MAPK10: variants seen among roughly 807,000 people sequenced by gnomAD.
The protein encoded by MAPK10 is JNK3 alpha protein kinase.
MAPK10 carries 25 observed loss-of-function variants against 59.3 expected under a neutral mutation model. The observed-to-expected ratio is 0.42, with a 90% CI of 0.31 to 0.59. The LOEUF is 0.59. MAPK10 is among the 20% of genes least tolerant of loss of function. The pLI is 0.15. For missense variants in MAPK10, 351 were observed against 568.9 expected, an observed-to-expected ratio of 0.62 and a Z score of 3.90; for synonymous variants, 190 against 200.5, an observed-to-expected ratio of 0.95 and a Z score of 0.44.
chr4:86,330,957 T>G (rs574544389), intron 2 of MAPK10, among the ~76,000 whole-genome samples: 2 of 152,302 alleles, frequency 1.3e-5, no homozygotes, highest in South Asian at 2.1e-4. Context: ...CTTTTCATCC[T>G]CATCTTAGAA....
intron 9 of MAPK10, 148 bp downstream of exon 9, chr4:86,098,376 A>G (rs2054630996): frequency 1.7e-6 from 2 of 1,197,254 alleles, no homozygotes; most frequent in Admixed American, 2.6e-5. Flanking sequence ...AGTACTGGTC[A>G]GATTATAGAA....
At chr4:86,582,133 A>T (rs1366967211) in intron 1 of MAPK10, among the ~76,000 whole-genome samples, 1 of 151,588 alleles carries the variant, frequency 6.6e-6, no homozygotes, top group Admixed American at 6.6e-5. Context: ...TATTGTTTGT[A>T]ATCTGTAAAA....
intron 2 of MAPK10, among the ~76,000 whole-genome samples, chr4:86,213,685 T>C (rs1037499273): frequency 1.3e-5 from 2 of 152,028 alleles, no homozygotes; most frequent in African/African-American, 4.8e-5. Flanking sequence ...AAAATCTGAA[T>C]AGACCTGTTA....
At chr4:86,223,785 C>T (rs1364225812) in intron 2 of MAPK10, among the ~76,000 whole-genome samples, 1 of 152,184 alleles carries the variant, frequency 6.6e-6, no homozygotes, top group Non-Finnish European at 1.5e-5. Context: ...AAAGAATTCT[C>T]ACTTTGCCCC....
chr4:86,510,218 T>G (rs1454455372), intron 1 of MAPK10, among the ~76,000 whole-genome samples: 6 of 152,024 alleles, frequency 3.9e-5, no homozygotes, highest in Admixed American at 3.9e-4. Flanking sequence ...GCTCAATCAA[T>G]CCTCCCACCT....
chr4:86,197,963 A>C (rs184299371), intron 2 of MAPK10, among the ~76,000 whole-genome samples: 1 of 152,290 alleles, frequency 6.6e-6, no homozygotes, highest in East Asian at 1.9e-4. Context: ...TGGGAACCTG[A>C]TTATGTCAAG....
chr4:86,403,208 T>C, intron 1 of MAPK10, among the ~76,000 whole-genome samples: 1 of 152,098 alleles, frequency 6.6e-6, no homozygotes, highest in African/African-American at 2.4e-5. Flanking sequence ...TATTAGTCCA[T>C]TTTCACACTA....
At chr4:86,589,999 AG>A (rs1172726535) in intron 1 of MAPK10, among the ~76,000 whole-genome samples, 1 of 151,280 alleles carries the variant, frequency 6.6e-6, no homozygotes, top group Non-Finnish European at 1.5e-5. Flanking sequence ...AAAAAAAAAA[AG>A]GGAATAGCAA....
chr4:86,420,927 C>T (rs142607904), intron 1 of MAPK10, among the ~76,000 whole-genome samples: 2,609 of 151,986 alleles, frequency 0.017, 72 homozygotes, highest in African/African-American at 0.059. Context: ...ACTAAAAATA[C>T]AAAAATTAGC....
intron 1 of MAPK10, among the ~76,000 whole-genome samples, chr4:86,468,776 C>A (rs1038984545): frequency 6.6e-6 from 1 of 152,088 alleles, no homozygotes; most frequent in African/African-American, 2.4e-5. Flanking sequence ...ATTGCTTGAA[C>A]CCAGGAGGCA....
chr4:86,166,903 C>CA lies in MAPK10; in HGVS notation c.67-7437dup, dbSNP rs893549610. On this transcript the variant is annotated intron_variant, in intron 3 of 13. Coordinates refer to ENST00000641462, the MANE Select transcript of MAPK10 (RefSeq NM_138982.4). ...AGCAGAATAGAAAAACATAGAGACA[C>CA]AAAAAAAAACCTTCAAAAATCAATG... 5.5e-4 allele frequency among the ~76,000 whole-genome samples: 83 copies of CA among 149,666 alleles called. 1 individual carries two copies. Among genetic ancestry groups the CA allele is most frequent in the Admixed American group, 3.6e-3 (54 of 15,062 alleles).
chr4:86,091,915 G>A (rs934629367), intron 9 of MAPK10, among the ~76,000 whole-genome samples: 5 of 151,860 alleles, frequency 3.3e-5, no homozygotes, highest in Non-Finnish European at 5.9e-5. Context: ...CTTGTGATCT[G>A]CCCACCTCGG....
At chr4:86,469,765 A>G (rs964871736) in intron 1 of MAPK10, among the ~76,000 whole-genome samples, 1 of 152,364 alleles carries the variant, frequency 6.6e-6, no homozygotes, top group Admixed American at 6.5e-5. Flanking sequence ...AAGAATTGTA[A>G]TTCCCAAATA....
chr4:86,098,516 A>G lies in MAPK10; in HGVS notation c.802+8T>C. 1 of 1,611,956 alleles carries G rather than the reference A, an allele frequency of 6.2e-7. No homozygotes were observed. The highest frequency in any genetic ancestry group is 8.5e-7 in the Non-Finnish European group (1 of 1,178,084). On this transcript the variant is annotated splice_region_variant and intron_variant, in intron 9 of 13. Coordinates refer to ENST00000641462, the MANE Select transcript of MAPK10 (RefSeq NM_138982.4). The stretch of plus-strand genomic sequence containing the variant: ...CAGGTAAAGCTGTAGCAAAAGGTAC[A>G]AGGATACAGTCCCTTCCTGGAAAGA...
chr4:86,212,441 G>C (rs549677452), intron 2 of MAPK10, among the ~76,000 whole-genome samples: 5 of 152,154 alleles, frequency 3.3e-5, no homozygotes, highest in African/African-American at 9.6e-5. Flanking sequence ...AGGCTCACTT[G>C]AGCCAGGAAT....
intron 2 of MAPK10, among the ~76,000 whole-genome samples, chr4:86,262,150 G>A (rs1340025208): frequency 6.6e-6 from 1 of 152,188 alleles, no homozygotes; most frequent in African/African-American, 2.4e-5. Context: ...TGGGACTTTT[G>A]AGAGGTGGGA....
At chr4:86,323,922 G>C (rs1266709231) in intron 2 of MAPK10, among the ~76,000 whole-genome samples, 2 of 152,164 alleles carry the variant, frequency 1.3e-5, no homozygotes, top group Non-Finnish European at 2.9e-5. Context: ...GCCATCATTA[G>C]AATGCAGGGT....
At chr4:86,335,621 T>C (rs1720785199) in intron 2 of MAPK10, among the ~76,000 whole-genome samples, 1 of 152,118 alleles carries the variant, frequency 6.6e-6, no homozygotes, top group Non-Finnish European at 1.5e-5. Flanking sequence ...TAGTTTTTTT[T>C]TTCACACTGC....
At chr4:86,480,374 C>G (rs1418539504) in intron 1 of MAPK10, among the ~76,000 whole-genome samples, 2 of 151,976 alleles carry the variant, frequency 1.3e-5, no homozygotes, top group Non-Finnish European at 2.9e-5. Flanking sequence ...TTTTCCTTTA[C>G]CTACCCAAAT....
Sources: gnomAD v4.1 joint callset for allele counts (sites outside exome capture counted in the v4.1 genomes callset) on GRCh38, gnomAD v4.1.1 for gene constraint, MANE v1.5 for transcripts, NCBI Gene and HGNC (gene_info 2026-07-23, HGNC 2026-07-21) for gene names.